PCDH19: variants seen among roughly 807,000 people sequenced by gnomAD.
PCDH19 encodes protocadherin-19.
In PCDH19, 6 loss-of-function variants were observed where a neutral mutation model predicts 46.2. The ratio of observed to expected loss-of-function variants is 0.13; its 90% CI spans 0.07 to 0.26. The LOEUF (loss-of-function observed/expected upper bound fraction) is 0.26. Among genes scored for constraint, PCDH19 ranks in the 10% least tolerant of loss-of-function variants. The pLI is 1.00. For missense variants in PCDH19, 740 were observed against 972.3 expected (o/e 0.76, Z 3.18); for synonymous variants, 481 against 415.7 (o/e 1.16, Z -1.91).
intron 5 of PCDH19, among the ~76,000 whole-genome samples, chrX:100,338,252 G>A (rs1281731782): frequency 9.7e-6 from 1 of 103,280 alleles, no homozygotes; most frequent in East Asian, 3.1e-4. Flanking sequence ...TGAGGCAGGA[G>A]AATGGCGTGA....
At chrX:100,363,739 TAA>T (rs1309204726) in intron 3 of PCDH19, among the ~76,000 whole-genome samples, 1 of 99,666 alleles carries the variant, frequency 1.0e-5, no homozygotes, top group African/African-American at 3.6e-5. Context: ...TTTATATATA[TAA>T]ATAATATATA....
At chrX:100,361,108 TATC>T (rs1310131269) in intron 3 of PCDH19, among the ~76,000 whole-genome samples, 1 of 112,011 alleles carries the variant, frequency 8.9e-6, no homozygotes, top group African/African-American at 3.2e-5. Flanking sequence ...AAGTGGCTAA[TATC>T]ATCAGCATCT....
chrX:100,300,144 A>G (rs922910694), intron 5 of PCDH19, among the ~76,000 whole-genome samples: 3 of 112,620 alleles, frequency 2.7e-5, no homozygotes, highest in African/African-American at 9.7e-5. Flanking sequence ...ATTCATAAAT[A>G]TACTGCAGAT....
At chrX:100,374,710 C>G (rs909763016) in intron 3 of PCDH19, among the ~76,000 whole-genome samples, 2 of 111,627 alleles carry the variant, frequency 1.8e-5, no homozygotes, top group African/African-American at 6.5e-5. Context: ...GAGGCCGAGG[C>G]TGGCGGATCA....
chrX:100,303,996 C>A (rs759948433), intron 5 of PCDH19, among the ~76,000 whole-genome samples: 43 of 112,296 alleles, frequency 3.8e-4, no homozygotes, highest in African/African-American at 1.4e-3. Flanking sequence ...ATTTTTCATT[C>A]ATCTGGATAC....
chrX:100,336,606 A>C (rs1926095227), intron 5 of PCDH19, among the ~76,000 whole-genome samples: 1 of 112,185 alleles, frequency 8.9e-6, no homozygotes, highest in Non-Finnish European at 1.9e-5. Flanking sequence ...TCCAGAAATA[A>C]AGCAATCATT....
chrX:100,338,968 A>G (rs1926176806), intron 5 of PCDH19, among the ~76,000 whole-genome samples: 1 of 112,208 alleles, frequency 8.9e-6, no homozygotes, highest in African/African-American at 3.2e-5. Context: ...CATACGTGCA[A>G]GGAAATATGC....
intron 4 of PCDH19, among the ~76,000 whole-genome samples, chrX:100,348,113 CAA>C (rs1260856565): frequency 9.4e-6 from 1 of 105,888 alleles, no homozygotes; most frequent in Non-Finnish European, 1.9e-5. Context: ...AAGAAGTTCT[CAA>C]AGTTAGCCTG....
chrX:100,403,009 G>C (rs1460985975), intron 2 of PCDH19, among the ~76,000 whole-genome samples, 158 bp from the exon 3 acceptor site: 2 of 111,460 alleles, frequency 1.8e-5, no homozygotes, highest in Non-Finnish European at 3.8e-5. Context: ...CTTTTTACAA[G>C]GGAAAACAGG....
intron 1 of PCDH19, 134 bp from the exon 2 acceptor site, chrX:100,403,798 A>C (rs1439210741): frequency 2.1e-6 from 1 of 469,057 alleles, no homozygotes; most frequent in Non-Finnish European, 3.5e-6. Flanking sequence ...AACGTGCACC[A>C]AAGACACCAG....
intron 3 of PCDH19, among the ~76,000 whole-genome samples, chrX:100,351,336 CCT>C (rs1401591772): frequency 4.4e-5 from 5 of 112,537 alleles, no homozygotes; most frequent in Non-Finnish European, 9.4e-5. Flanking sequence ...CAAGCAAACC[CCT>C]GTCTCAGCTC....
intron 5 of PCDH19, among the ~76,000 whole-genome samples, chrX:100,298,528 A>G (rs1335596356): frequency 5.4e-5 from 6 of 112,034 alleles, no homozygotes; most frequent in Non-Finnish European, 5.6e-5. Flanking sequence ...AATTTTGTAC[A>G]GTGGAACCAA....
rs781597264 is a variant in PCDH19 at position 100,329,903 on chromosome X, C to T, written c.2848+12000G>A. On this transcript the variant is annotated intron_variant, in intron 5 of 5. Transcript: ENST00000373034. ...CTCCAGCCTGGGCGACACAGGGAGA[C>T]GCTGTTTAAAACAAACAAACAAAAA... Among the ~76,000 whole-genome samples, 7 of 111,658 alleles carry T rather than the reference C, an allele frequency of 6.3e-5. No homozygotes were observed. The East Asian group carries it at 2.0e-3, about 32-fold the overall frequency.
intron 3 of PCDH19, among the ~76,000 whole-genome samples, chrX:100,352,092 C>T (rs1237987298): frequency 1.8e-5 from 2 of 112,686 alleles, no homozygotes; most frequent in Non-Finnish European, 3.7e-5. Flanking sequence ...GTAATATCTA[C>T]TCACACTGCT....
chrX:100,394,451 A>C, intron 3 of PCDH19, among the ~76,000 whole-genome samples: 1 of 111,854 alleles, frequency 8.9e-6, no homozygotes, highest in East Asian at 2.8e-4. Flanking sequence ...GGCTCTACCC[A>C]ATCCAGGAAA....
intron 4 of PCDH19, among the ~76,000 whole-genome samples, chrX:100,342,627 A>G (rs1926288493): frequency 8.9e-6 from 1 of 112,060 alleles, no homozygotes; most frequent in Non-Finnish European, 1.9e-5. Context: ...CTAAGACTGA[A>G]AACAGGTAGT....
intron 3 of PCDH19, among the ~76,000 whole-genome samples, chrX:100,379,660 T>C (rs1035589533): frequency 9.0e-6 from 1 of 111,617 alleles, no homozygotes; most frequent in African/African-American, 3.3e-5. Context: ...AAGCAGAAAA[T>C]AGGGAAGGAA....
At chrX:100,339,518 CTTA>C (rs1926191173) in intron 5 of PCDH19, among the ~76,000 whole-genome samples, 1 of 112,453 alleles carries the variant, frequency 8.9e-6, no homozygotes, top group Non-Finnish European at 1.9e-5. Context: ...ATGTGATATA[CTTA>C]TTATGCAAAT....
chrX:100,352,849 C>A (rs1926610359), intron 3 of PCDH19, among the ~76,000 whole-genome samples: 1 of 111,909 alleles, frequency 8.9e-6, no homozygotes, highest in Non-Finnish European at 1.9e-5. Context: ...AACCACTTTT[C>A]TTTATGAAAT....
Sources: allele counts gnomAD v4.1 joint callset (sites outside exome capture counted in the v4.1 genomes callset), GRCh38; gene constraint gnomAD v4.1.1; transcripts MANE v1.5; gene names NCBI Gene and HGNC (gene_info 2026-07-23, HGNC 2026-07-21).